The following KCNAB1 variants were observed in gnomAD, a reference collection of about 807,000 sequenced individuals.
KCNAB1 encodes voltage-gated potassium channel subunit beta-1.
A neutral mutation model predicts 64.6 loss-of-function variants in KCNAB1; 35 were observed. The observed-to-expected ratio is 0.54, with a 90% confidence interval of 0.41 to 0.72. The LOEUF (loss-of-function observed/expected upper bound fraction) is 0.72. Among genes scored for constraint, KCNAB1 ranks in the 30% least tolerant of loss-of-function variants. KCNAB1 has a pLI of 0.00. For missense variants in KCNAB1, 401 were observed against 512.9 expected (o/e 0.78, Z 2.11); for synonymous variants, 177 against 183.8 (o/e 0.96, Z 0.30).
chr3:156,465,928 A>G (rs1297896168), intron 7 of KCNAB1, among the ~76,000 whole-genome samples: 6 of 152,172 alleles, frequency 3.9e-5, no homozygotes, highest in Non-Finnish European at 1.5e-5. Flanking sequence ...TATTACTAAT[A>G]TTAATAAAAC....
intron 1 of KCNAB1, among the ~76,000 whole-genome samples, chr3:156,322,810 G>A (rs1005326101): frequency 6.6e-6 from 1 of 152,158 alleles, no homozygotes; most frequent in Middle Eastern, 3.2e-3. Context: ...AAGAGACGGA[G>A]GCATTACTGA....
chr3:156,344,786 G>T (rs1291312174), intron 1 of KCNAB1, among the ~76,000 whole-genome samples: 1 of 152,094 alleles, frequency 6.6e-6, no homozygotes, highest in African/African-American at 2.4e-5. Context: ...AACTAAATGG[G>T]ATCAGTTTGT....
At chr3:156,342,524 C>T (rs1210466373) in intron 1 of KCNAB1, among the ~76,000 whole-genome samples, 1 of 149,876 alleles carries the variant, frequency 6.7e-6, no homozygotes, top group East Asian at 2.0e-4. Context: ...CAGAGATTCA[C>T]ATTGAACTGG....
chr3:156,170,984 G>T (rs1240773391), intron 1 of KCNAB1, among the ~76,000 whole-genome samples: 1 of 152,114 alleles, frequency 6.6e-6, no homozygotes, highest in Admixed American at 6.6e-5. Flanking sequence ...AAATTTTTCA[G>T]TTGAATACAT....
At chr3:156,149,086 T>G (rs1185655640) in intron 1 of KCNAB1, among the ~76,000 whole-genome samples, 1 of 152,180 alleles carries the variant, frequency 6.6e-6, no homozygotes, top group Non-Finnish European at 1.5e-5. Context: ...TGAAAAGGAC[T>G]GAAACTTCCA....
At position 156,257,097 on chromosome 3, in the gene KCNAB1, T is replaced by C. The variant is rs935673451; in HGVS notation, c.275+136211T>C. On this transcript the variant is annotated intron_variant, in intron 1 of 13. Coordinates refer to ENST00000490337, the MANE Select transcript of KCNAB1 (RefSeq NM_172160.3). ...CCTTCAGGGACATTCCCATTATACC[T>C]TGTCAATAGTCTTTGTGTTAAACTT... Among the ~76,000 whole-genome samples the C allele has an allele frequency of 4.4e-4, 67 of 152,344 alleles. 1 individual carries two copies. Among genetic ancestry groups the C allele is most frequent in the African/African-American group, 1.4e-3 (60 of 41,582 alleles).
chr3:156,137,702 C>T (rs991041647), intron 1 of KCNAB1, among the ~76,000 whole-genome samples: 29 of 143,312 alleles, frequency 2.0e-4, no homozygotes, highest in African/African-American at 4.9e-4. Context: ...CCCGCTACCA[C>T]GTCTGGCTAA....
intron 2 of KCNAB1, among the ~76,000 whole-genome samples, chr3:156,430,194 T>A (rs1254703954): frequency 6.6e-6 from 1 of 152,242 alleles, no homozygotes; most frequent in Non-Finnish European, 1.5e-5. Context: ...TTAGGAGTGA[T>A]GATATAGCTT....
chr3:156,127,457 A>AT lies in KCNAB1; in HGVS notation c.275+6575dup, dbSNP rs1713724741. 5.3e-5 allele frequency among the ~76,000 whole-genome samples: 8 copies of AT among 152,274 alleles called. No homozygotes were observed. In the South Asian group the frequency reaches 1.5e-3, roughly 28 times the overall value. On this transcript the variant is annotated intron_variant, in intron 1 of 13. Transcript: ENST00000490337. ...GGACATTTTTATGTAGTTTACTGTG[A>AT]TTTTAGTTATATGCTAGAAAGATTG...
At chr3:156,518,404 G>C (rs1286325872) in intron 11 of KCNAB1, among the ~76,000 whole-genome samples, 2 of 151,448 alleles carry the variant, frequency 1.3e-5, no homozygotes, top group Non-Finnish European at 2.9e-5. Context: ...AAAAAGTAAA[G>C]GAGGCAAGTA....
At chr3:156,467,079 C>T (rs1187744326) in intron 7 of KCNAB1, among the ~76,000 whole-genome samples, 2 of 152,058 alleles carry the variant, frequency 1.3e-5, no homozygotes, top group African/African-American at 4.8e-5. Flanking sequence ...ATGCTTAAAA[C>T]ACTTACATTG....
intron 3 of KCNAB1, chr3:156,456,025 G>A (rs1278146223): frequency 2.0e-5 from 3 of 152,214 alleles, no homozygotes; most frequent in Admixed American, 6.5e-5. Flanking sequence ...CTTCATGCAG[G>A]AGGAGGAGAT....
At chr3:156,421,727 G>C in intron 2 of KCNAB1, 68 bp downstream of exon 2, 2 of 1,440,262 alleles carry the variant, frequency 1.4e-6, no homozygotes, top group Middle Eastern at 3.6e-4. Flanking sequence ...ACCAGGGAGT[G>C]ACTGTGGTCT....
intron 13 of KCNAB1, among the ~76,000 whole-genome samples, chr3:156,532,383 A>G (rs1269199994): frequency 2.0e-5 from 3 of 152,122 alleles, no homozygotes; most frequent in Non-Finnish European, 2.9e-5. Flanking sequence ...AACCCTGCTA[A>G]AAGCCCTAGG....
chr3:156,236,087 T>C (rs1716831423), intron 1 of KCNAB1, among the ~76,000 whole-genome samples: 1 of 152,182 alleles, frequency 6.6e-6, no homozygotes, highest in African/African-American at 2.4e-5. Flanking sequence ...TTAAAAAATA[T>C]AATAACAATA....
intron 1 of KCNAB1, among the ~76,000 whole-genome samples, chr3:156,210,677 G>A (rs1223881030): frequency 6.6e-6 from 1 of 152,188 alleles, no homozygotes; most frequent in Admixed American, 6.5e-5. Flanking sequence ...GGAGCAAGTG[G>A]CAGCACTGAC....
chr3:156,393,048 T>G (rs910513361), intron 1 of KCNAB1, among the ~76,000 whole-genome samples: 1 of 152,222 alleles, frequency 6.6e-6, no homozygotes, highest in African/African-American at 2.4e-5. Context: ...CTCTCCAGTA[T>G]TTGTTAGAAT....
intron 1 of KCNAB1, among the ~76,000 whole-genome samples, chr3:156,220,998 G>T (rs1028174655): frequency 6.6e-6 from 1 of 152,134 alleles, no homozygotes; most frequent in Non-Finnish European, 1.5e-5. Flanking sequence ...GCTTGTTTTT[G>T]TCAGTTTTGT....
At chr3:156,259,428 C>T (rs962077826) in intron 1 of KCNAB1, among the ~76,000 whole-genome samples, 1 of 152,122 alleles carries the variant, frequency 6.6e-6, no homozygotes, top group African/African-American at 2.4e-5. Flanking sequence ...CTTTCCACAC[C>T]CTGCAAATGT....
Sources: gnomAD v4.1 joint callset for allele counts (sites outside exome capture counted in the v4.1 genomes callset) on GRCh38, gnomAD v4.1.1 for gene constraint, MANE v1.5 for transcripts, NCBI Gene and HGNC (gene_info 2026-07-23, HGNC 2026-07-21) for gene names.